F13A1: variants seen among roughly 807,000 people sequenced by gnomAD.
The protein encoded by F13A1 is FSF, A subunit.
Under a neutral mutation model 80.1 loss-of-function variants are expected in F13A1, and 47 were observed. The ratio of observed to expected loss-of-function variants is 0.59; its 90% CI spans 0.46 to 0.75. The LOEUF (loss-of-function observed/expected upper bound fraction) is 0.75, where lower values mean the gene tolerates loss of function less well. F13A1 is among the 30% of genes least tolerant of loss of function. F13A1 has a pLI of 0.00. For missense variants in F13A1, 817 were observed against 930.4 expected, an observed-to-expected ratio of 0.88 and a Z score of 1.59; for synonymous variants, 349 against 344.9, an observed-to-expected ratio of 1.01 and a Z score of -0.13.
intron 13 of F13A1, among the ~76,000 whole-genome samples, chr6:6,153,439 C>T (rs1340976500): frequency 1.3e-5 from 2 of 152,160 alleles, no homozygotes; most frequent in Non-Finnish European, 1.5e-5. Context: ...AAGAAGAATA[C>T]ACTCTTATGG....
At chr6:6,301,514 A>G (rs751719298) in intron 3 of F13A1, among the ~76,000 whole-genome samples, 2 of 152,250 alleles carry the variant, frequency 1.3e-5, no homozygotes, top group Non-Finnish European at 2.9e-5. Context: ...CTCTGAACGC[A>G]CACATCATGG....
chr6:6,151,446 A>G (rs552182238), intron 14 of F13A1, among the ~76,000 whole-genome samples: 1 of 152,342 alleles, frequency 6.6e-6, no homozygotes, highest in East Asian at 1.9e-4. Flanking sequence ...TAGGTAGTAC[A>G]GCAAAGTGGT....
intron 2 of F13A1, among the ~76,000 whole-genome samples, chr6:6,306,731 C>A (rs752616994): frequency 3.9e-5 from 6 of 152,256 alleles, no homozygotes; most frequent in Non-Finnish European, 5.9e-5. Flanking sequence ...CTGCCCCTGC[C>A]TGATGCATGA....
intron 12 of F13A1, among the ~76,000 whole-genome samples, chr6:6,173,074 C>T (rs936624233): frequency 2.0e-5 from 3 of 152,110 alleles, no homozygotes; most frequent in Admixed American, 6.6e-5. Flanking sequence ...CCCAAAGTAT[C>T]GAGGTCCTTT....
intron 3 of F13A1, among the ~76,000 whole-genome samples, chr6:6,275,997 G>A (rs1283265757): frequency 2.6e-5 from 4 of 152,208 alleles, no homozygotes; most frequent in Non-Finnish European, 4.4e-5. Context: ...ATTTGTTCAC[G>A]TTGCCCATTC....
intron 8 of F13A1, among the ~76,000 whole-genome samples, chr6:6,214,839 A>G (rs1322984373): frequency 2.9e-5 from 2 of 69,600 alleles, no homozygotes; most frequent in African/African-American, 1.2e-4. Flanking sequence ...AAAAAATGAT[A>G]AAGGGGATAT....
At chr6:6,203,982 C>T (rs1761443164) in intron 8 of F13A1, among the ~76,000 whole-genome samples, 1 of 152,128 alleles carries the variant, frequency 6.6e-6, no homozygotes, top group Non-Finnish European at 1.5e-5. Flanking sequence ...TTTACCAAAA[C>T]CCAGTAGAGC....
chr6:6,222,174 A>G lies in F13A1; in HGVS notation c.974-3T>C, dbSNP rs375917494. On this transcript the variant is annotated splice_polypyrimidine_tract_variant and splice_region_variant and intron_variant, in intron 7 of 14. Coordinates refer to ENST00000264870, the MANE Select transcript of F13A1 (RefSeq NM_000129.4). The stretch of plus-strand genomic sequence containing the variant: ...TGGTATTCCAAGGCATCGTAAAACT[A>G]CAGGAAAGGACAGACCACAGCTAAA... 5 of 1,613,854 alleles carry G rather than the reference A, an allele frequency of 3.1e-6. No homozygotes were observed. The highest frequency in any genetic ancestry group is 3.3e-5 in the Admixed American group (2 of 59,994).
intron 4 of F13A1, among the ~76,000 whole-genome samples, 192 bp from the exon 5 acceptor site, chr6:6,251,121 T>C (rs1422012753): frequency 6.6e-6 from 1 of 152,150 alleles, no homozygotes; most frequent in East Asian, 1.9e-4. Context: ...AGCACCAAAT[T>C]CAGTCTGTAA....
intron 1 of F13A1, among the ~76,000 whole-genome samples, chr6:6,319,741 A>G (rs1238210247): frequency 2.6e-5 from 4 of 152,360 alleles, no homozygotes; most frequent in Admixed American, 2.6e-4. Flanking sequence ...CATGTGGAGC[A>G]CTAACAACAT....
chr6:6,211,524 AC>A lies in F13A1; in HGVS notation c.1112+10508del, dbSNP rs11289371. On this transcript the variant is annotated intron_variant, in intron 8 of 14. Transcript: ENST00000264870. ...TCTACATTCTGAATTTTTCTTCTCT[AC>A]TATTTTACTTGGAATTCGTTTTTAG... Among the ~76,000 whole-genome samples, 1,018 of 152,336 alleles carry A rather than the reference AC, an allele frequency of 6.7e-3. 10 individuals are homozygous for A. Among genetic ancestry groups the A allele is most frequent in the African/African-American group, 0.023 (940 of 41,578 alleles).
At chr6:6,320,083 G>A (rs1331056362) in intron 1 of F13A1, among the ~76,000 whole-genome samples, 1 of 152,198 alleles carries the variant, frequency 6.6e-6, no homozygotes. Context: ...GCGGCGGGCA[G>A]GAGCCCTCGC....
At chr6:6,252,629 A>G (rs1350755620) in intron 4 of F13A1, among the ~76,000 whole-genome samples, 1 of 152,224 alleles carries the variant, frequency 6.6e-6, no homozygotes. Flanking sequence ...TCTGCTTTTG[A>G]GTTTATCTGA....
chr6:6,212,569 A>G lies in F13A1; in HGVS notation c.1112+9464T>C, dbSNP rs573077062. 2.0e-3 allele frequency among the ~76,000 whole-genome samples: 311 copies of G among 152,316 alleles called. 1 individual carries two copies. The highest frequency in any genetic ancestry group is 7.3e-3 in the African/African-American group (303 of 41,578). On this transcript the variant is annotated intron_variant, in intron 8 of 14. Coordinates refer to ENST00000264870, the MANE Select transcript of F13A1 (RefSeq NM_000129.4). Reference sequence around the variant, plus strand: ...AAGACCAAAAGTAGATAAAACCACAAAGATGGGGAAAAAACAGAGCAGAAA... The same window carrying G: ...AAGACCAAAAGTAGATAAAACCACAGAGATGGGGAAAAAACAGAGCAGAAA...
At chr6:6,278,323 G>A (rs1758015886) in intron 3 of F13A1, among the ~76,000 whole-genome samples, 1 of 152,178 alleles carries the variant, frequency 6.6e-6, no homozygotes, top group African/African-American at 2.4e-5. Context: ...GACAGAGAGG[G>A]TCAGAGCTGG....
At chr6:6,156,347 CT>C (rs1328796774) in intron 13 of F13A1, among the ~76,000 whole-genome samples, 4 of 152,110 alleles carry the variant, frequency 2.6e-5, no homozygotes, top group African/African-American at 4.8e-5. Flanking sequence ...AAAGAAATTA[CT>C]TTTTTAGAAA....
rs924694814 is a variant in F13A1, at chr6:6,298,863, G to T, written c.319+6488C>A. Among the ~76,000 whole-genome samples the T allele has an allele frequency of 7.4e-5, 11 of 148,890 alleles. 1 individual carries two copies. Among genetic ancestry groups the T allele is most frequent in the Admixed American group, 1.3e-4 (2 of 15,106 alleles). On this transcript the variant is annotated intron_variant, in intron 3 of 14. Coordinates refer to ENST00000264870, the MANE Select transcript of F13A1 (RefSeq NM_000129.4). ...TAGTCTTGATGGTCTTTACATTTTG[G>T]CATGATTTTGCAGTGGCTGGTACTG...
intron 11 of F13A1, among the ~76,000 whole-genome samples, chr6:6,179,859 C>A (rs535642177): frequency 6.6e-6 from 1 of 152,140 alleles, no homozygotes; most frequent in South Asian, 2.1e-4. Context: ...TCATGCAGTG[C>A]GGACACATTT....
At chr6:6,149,664 G>T (rs1345404127) in intron 14 of F13A1, among the ~76,000 whole-genome samples, 1 of 152,204 alleles carries the variant, frequency 6.6e-6, no homozygotes, top group Admixed American at 6.5e-5. Context: ...CTTGTCCTCA[G>T]ACTTCCCAGA....
Sources: allele counts gnomAD v4.1 joint callset (sites outside exome capture counted in the v4.1 genomes callset), GRCh38; gene constraint gnomAD v4.1.1; transcripts MANE v1.5; gene names NCBI Gene and HGNC (gene_info 2026-07-23, HGNC 2026-07-21).